The following ISM1 variants were observed in gnomAD, a reference collection of about 807,000 sequenced individuals.
The protein encoded by ISM1 is isthmin 1.
ISM1 carries 25 observed loss-of-function variants against 46.3 expected under a neutral mutation model. The observed-to-expected ratio is 0.54, with a 90% CI of 0.39 to 0.75. ISM1 has a LOEUF of 0.75. ISM1 is among the 30% of genes least tolerant of loss of function. The pLI is 0.00. For missense variants in ISM1, 536 were observed against 625.4 expected (o/e 0.86, Z 1.52); for synonymous variants, 255 against 256.7 (o/e 0.99, Z 0.06).
rs544561898 is a variant in ISM1, at chr20:13,238,073, T to C, written c.138+16159T>C. The C allele has an allele frequency of 2.6e-5, 4 of 152,260 alleles. No homozygotes were observed. The East Asian group carries it at 5.8e-4, about 22-fold the overall frequency. 9.4% of individuals were successfully genotyped at this position (152,260 alleles called of 1,614,324 possible). A position where few individuals can be genotyped will look rare whatever the true frequency, so the allele number is the denominator to read the frequency against. Reference sequence around the variant, plus strand: ...AGCTCAATTGTAGACATATATCTTCTTTATAGGACATCGTTTACAATAAAG... The same window carrying C: ...AGCTCAATTGTAGACATATATCTTCCTTATAGGACATCGTTTACAATAAAG... On this transcript the variant is annotated intron_variant, in intron 1 of 5. Transcript: ENST00000262487.
At position 13,267,979 on chromosome 20, in the gene ISM1, T is replaced by C. The variant is rs114400600; in HGVS notation, c.139-2525T>C. Among the ~76,000 whole-genome samples, 358 of 152,302 alleles carry C rather than the reference T, an allele frequency of 2.4e-3. 4 individuals are homozygous for C. The highest frequency in any genetic ancestry group is 8.1e-3 in the African/African-American group (336 of 41,572). On this transcript the variant is annotated intron_variant, in intron 1 of 5. Coordinates refer to ENST00000262487, the MANE Select transcript of ISM1 (RefSeq NM_080826.2). ...ATGACAATCTAACTGTCCTCCCTAA[T>C]GTTGTTGGAGAAGTTTTAGGGTTGG...
At chr20:13,310,392 A>G in the ISM1 span, among the ~76,000 whole-genome samples, 2 of 152,112 alleles carry the variant, frequency 1.3e-5, no homozygotes, top group African/African-American at 4.8e-5. Context: ...ATGAAATTGG[A>G]CTCTTATCTC....
At chr20:13,235,290 A>T (rs112233267) in intron 1 of ISM1, among the ~76,000 whole-genome samples, 3,654 of 152,292 alleles carry the variant, frequency 0.024, 59 homozygotes, top group African/African-American at 0.036. Context: ...CATCAGTCAT[A>T]TCTGTTACCA....
intron 1 of ISM1, among the ~76,000 whole-genome samples, chr20:13,247,561 G>A (rs1343312583): frequency 7.5e-6 from 1 of 133,372 alleles, no homozygotes; most frequent in South Asian, 2.3e-4. Context: ...TGTGTGTGTA[G>A]GTAGGTAGGA....
chr20:13,257,080 C>T (rs1215487540), intron 1 of ISM1, among the ~76,000 whole-genome samples: 2 of 152,110 alleles, frequency 1.3e-5, no homozygotes, highest in Non-Finnish European at 2.9e-5. Flanking sequence ...CAGATGCTAC[C>T]CATTTTACTG....
Position 13,221,793 on chromosome 20 carries a change from C to G in ISM1, c.17C>G (p.Ala6Gly). MVRLA[A>G]ELLLLLGLLL... ...CTCAAAAGGATGGTGCGCCTGGCGG[C>G]CGAGCTGCTGCTGCTGCTGGGGCTG... Residue 6 changes from alanine to glycine, a missense_variant, in exon 1 of 6, where the codon GCC becomes GGC. Physicochemically the swap from Ala to Gly is moderately conservative, Grantham distance 60. This residue lies in a region of ISM1 where 367 missense variants were observed against 376.1 expected (regional missense o/e 0.98). Coordinates refer to ENST00000262487, the MANE Select transcript of ISM1 (RefSeq NM_080826.2). The G allele has an allele frequency of 2.1e-6, 3 of 1,452,302 alleles. No individual in the cohort carries two copies. Among genetic ancestry groups the G allele is most frequent in the Non-Finnish European group, 2.7e-6 (3 of 1,107,766 alleles). 90.0% of individuals were successfully genotyped at this position (1,452,302 alleles called of 1,614,324 possible).
intron 2 of ISM1, among the ~76,000 whole-genome samples, chr20:13,271,041 GCAAAA>G (rs1568680373): frequency 6.6e-6 from 1 of 152,020 alleles, no homozygotes; most frequent in Non-Finnish European, 1.5e-5. Context: ...AAATATAAAA[GCAAAA>G]CAAAACAAAA....
chr20:13,300,915 C>T (rs1159623982), downstream of ISM1, among the ~76,000 whole-genome samples: 1 of 152,224 alleles, frequency 6.6e-6, no homozygotes, highest in African/African-American at 2.4e-5. Context: ...AGGCTTAAGA[C>T]AGCCCAGATG....
At chr20:13,292,306 A>T in intron 4 of ISM1, 68 bp from the exon 5 acceptor site, 2 of 933,758 alleles carry the variant, frequency 2.1e-6, no homozygotes, top group Admixed American at 4.8e-5. Context: ...TTATTTTTTT[A>T]TTGTTGGGGT....
At chr20:13,313,729 A>AAATT in the ISM1 span, among the ~76,000 whole-genome samples, 1 of 152,230 alleles carries the variant, frequency 6.6e-6, no homozygotes, top group Non-Finnish European at 1.5e-5. Flanking sequence ...TATCAAGAAA[A>AAATT]AATTATAAGA....
chr20:13,262,436 T>G (rs1323401049), intron 1 of ISM1, among the ~76,000 whole-genome samples: 1 of 152,064 alleles, frequency 6.6e-6, no homozygotes, highest in African/African-American at 2.4e-5. Flanking sequence ...ATGTTTTAGG[T>G]GATGTGTGAA....
At chr20:13,279,325 C>T (rs2040213146) in intron 2 of ISM1, among the ~76,000 whole-genome samples, 1 of 152,192 alleles carries the variant, frequency 6.6e-6, no homozygotes, top group Non-Finnish European at 1.5e-5. Context: ...CTCAGCCCTA[C>T]TCAAATTCCT....
At chr20:13,261,751 T>C (rs188201311) in intron 1 of ISM1, among the ~76,000 whole-genome samples, 1 of 152,314 alleles carries the variant, frequency 6.6e-6, no homozygotes, top group East Asian at 1.9e-4. Context: ...TGAGGGTTCT[T>C]AACTTTAGTG....
At chr20:13,291,533 T>C (rs1319426943) in intron 4 of ISM1, among the ~76,000 whole-genome samples, 4 of 152,190 alleles carry the variant, frequency 2.6e-5, no homozygotes, top group Non-Finnish European at 4.4e-5. Context: ...CCAGCAAATG[T>C]TACCACAGTG....
rs61066966 is a variant in ISM1 at position 13,261,425 on chromosome 20, CAAAAAAAA to C, written c.139-9072_139-9065del. On this transcript the variant is annotated intron_variant, in intron 1 of 5. Transcript: ENST00000262487. The stretch of plus-strand genomic sequence containing the variant: ...AAGAGGGAAGAGTGAAACTCTGTCT[CAAAAAAAA>C]AAAAAAGAAAAAAGAAGCTCAAAGA... Among the ~76,000 whole-genome samples the C allele has an allele frequency of 1.3e-4, 14 of 105,248 alleles. 1 individual carries two copies. In the South Asian group the frequency reaches 2.4e-3, roughly 18 times the overall value. The allele number at this position is 105,248 out of a possible 152,430, so 69.0% of individuals were successfully genotyped here.
intron 5 of ISM1, among the ~76,000 whole-genome samples, chr20:13,296,726 A>G (rs912182963): frequency 6.6e-6 from 1 of 152,184 alleles, no homozygotes; most frequent in African/African-American, 2.4e-5. Context: ...TTTGGTTAAG[A>G]TGCATTTTGT....
At chr20:13,258,960 C>A (rs1169518819) in intron 1 of ISM1, among the ~76,000 whole-genome samples, 2 of 152,088 alleles carry the variant, frequency 1.3e-5, no homozygotes, top group African/African-American at 2.4e-5. Flanking sequence ...GATGTTAAAA[C>A]CTTACAGATG....
chr20:13,307,582 C>T, the ISM1 span, among the ~76,000 whole-genome samples: 167 of 152,298 alleles, frequency 1.1e-3, no homozygotes, highest in Non-Finnish European at 2.1e-3. Context: ...CCCATGCCCC[C>T]GTCCAGTAAC....
chr20:13,273,829 C>T (rs563628958), intron 2 of ISM1, among the ~76,000 whole-genome samples: 1 of 152,300 alleles, frequency 6.6e-6, no homozygotes, highest in East Asian at 1.9e-4. Flanking sequence ...CTGCTCTATA[C>T]AATCCCTATC....
Sources: allele counts gnomAD v4.1 joint callset (sites outside exome capture counted in the v4.1 genomes callset), GRCh38; gene constraint gnomAD v4.1.1; regional missense constraint gnomAD v4.1.1; transcripts MANE v1.5; gene names NCBI Gene and HGNC (gene_info 2026-07-23, HGNC 2026-07-21).